Variants in MICAL3 observed in about 807,000 individuals in gnomAD.
MICAL3 encodes [F-actin]-monooxygenase MICAL3.
A neutral mutation model predicts 207.4 loss-of-function variants in MICAL3; 62 were observed. That is an observed-to-expected ratio of 0.30 (90% confidence interval 0.24 to 0.37). The LOEUF (loss-of-function observed/expected upper bound fraction) is 0.37. MICAL3 is among the 10% of genes least tolerant of loss of function. The pLI is 1.00. For missense variants in MICAL3, 2,368 were observed against 2,635.6 expected (o/e 0.90, Z 2.22); for synonymous variants, 1,077 against 1,069.3 (o/e 1.01, Z -0.14).
intron 1 of MICAL3, among the ~76,000 whole-genome samples, chr22:17,921,442 C>T (rs1932797806): frequency 6.6e-6 from 1 of 152,208 alleles, no homozygotes; most frequent in Admixed American, 6.5e-5. Flanking sequence ...TGGCCTTGGT[C>T]ATTTCCCTTG....
At chr22:17,804,153 G>T (rs929420590) in intron 29 of MICAL3, among the ~76,000 whole-genome samples, 5 of 152,174 alleles carry the variant, frequency 3.3e-5, no homozygotes, top group African/African-American at 1.2e-4. Flanking sequence ...GTACACCAGG[G>T]ATCAGCCAGG....
Position 17,832,073 on chromosome 22 carries a change from C to T in MICAL3, c.2836G>A (p.Glu946Lys). Residue 946 changes from glutamate (E) to lysine (K), a missense_variant, in exon 21 of 32, where the codon GAG becomes AAG. Around this residue, in one of 4 missense-constraint regions of MICAL3, gnomAD observed 1,770 missense variants for 1,863.2 expected, o/e 0.95. Coordinates refer to ENST00000441493, the MANE Select transcript of MICAL3 (RefSeq NM_015241.3). ...SESEMEEEGEEEEEEPRLPPS... is the reference protein window; with the variant it reads ...SESEMEEEGEKEEEEPRLPPS... ...GGCAGGCGAGGCTCCTCCTCCTCCTCCTCTCCCTCCTCCTCCATCTCAGAC... is the reference window on the plus strand; with the variant it reads ...GGCAGGCGAGGCTCCTCCTCCTCCTTCTCTCCCTCCTCCTCCATCTCAGAC... 6.3e-7 allele frequency: 1 copy of T among 1,586,576 alleles called. No homozygotes were observed. The highest frequency in any genetic ancestry group is 8.6e-7 in the Non-Finnish European group (1 of 1,166,404).
Position 17,857,497 on chromosome 22 carries a change from G to A in MICAL3, c.2605+7402C>T, listed in dbSNP as rs74664986. Among the ~76,000 whole-genome samples, 755 of 152,338 alleles carry A rather than the reference G, an allele frequency of 5.0e-3. 7 individuals carry two copies. The highest frequency in any genetic ancestry group is 0.016 in the African/African-American group (679 of 41,576). Reference sequence around the variant, plus strand: ...AAGGTTGGGGAACACGGCCTGCGGCGTGGCTCTTCTCCCGCAGGTGCAGGA... The same window carrying A: ...AAGGTTGGGGAACACGGCCTGCGGCATGGCTCTTCTCCCGCAGGTGCAGGA... On this transcript the variant is annotated intron_variant, in intron 19 of 31. Coordinates refer to ENST00000441493, the MANE Select transcript of MICAL3 (RefSeq NM_015241.3).
At chr22:18,012,964 C>T (rs1423320593) in intron 1 of MICAL3, among the ~76,000 whole-genome samples, 1 of 152,120 alleles carries the variant, frequency 6.6e-6, no homozygotes, top group Non-Finnish European at 1.5e-5. Flanking sequence ...GTGGAAACTA[C>T]CTTTCCCCCA....
Position 17,806,174 on chromosome 22 carries a change from T to A in MICAL3, c.5650+2670A>T, listed in dbSNP as rs187497060. On this transcript the variant is annotated intron_variant, in intron 29 of 31. Transcript: ENST00000441493. ...TAAGTGGCTGAACTCCCTGTAAATG[T>A]GTTAGTGAAGAGGACATTTTATTCA... is the stretch of plus-strand genomic sequence containing the variant. Among the ~76,000 whole-genome samples, 4 of 152,306 alleles carry A rather than the reference T, an allele frequency of 2.6e-5. No individual in the cohort carries two copies. In the East Asian group the frequency reaches 7.7e-4, roughly 29 times the overall value.
intron 1 of MICAL3, among the ~76,000 whole-genome samples, chr22:17,933,127 G>C (rs1933350054): frequency 6.6e-6 from 1 of 152,136 alleles, no homozygotes; most frequent in African/African-American, 2.4e-5. Context: ...AGACCTAATA[G>C]ACATCTACAG....
chr22:18,000,496 C>G (rs1922832646), intron 1 of MICAL3, among the ~76,000 whole-genome samples: 2 of 152,216 alleles, frequency 1.3e-5, no homozygotes, highest in Non-Finnish European at 2.9e-5. Flanking sequence ...CAGACCCCTT[C>G]GTCCCGGCTA....
At chr22:17,946,865 C>T (rs1039026041) in intron 1 of MICAL3, among the ~76,000 whole-genome samples, 1 of 152,150 alleles carries the variant, frequency 6.6e-6, no homozygotes, top group Non-Finnish European at 1.5e-5. Context: ...TGCCCTCTTC[C>T]CTGGGGAACA....
intron 21 of MICAL3, among the ~76,000 whole-genome samples, chr22:17,829,734 T>C (rs1274272145): frequency 1.3e-5 from 2 of 152,342 alleles, no homozygotes; most frequent in South Asian, 2.1e-4. Flanking sequence ...GCACTGGCGA[T>C]AGGTTTCCTG....
chr22:17,985,060 G>T (rs1936090510), intron 1 of MICAL3, among the ~76,000 whole-genome samples: 1 of 152,216 alleles, frequency 6.6e-6, no homozygotes, highest in Non-Finnish European at 1.5e-5. Flanking sequence ...TTTTAAACTG[G>T]GAGGCATGAG....
intron 7 of MICAL3, 26 bp from the exon 8 acceptor site, chr22:17,897,007 G>A (rs1930902549): frequency 6.3e-7 from 1 of 1,591,390 alleles, no homozygotes; most frequent in Non-Finnish European, 8.6e-7. Context: ...GAGGAGGGTA[G>A]GGATGGAGAA....
At position 17,877,495 on chromosome 22, in the gene MICAL3, G is replaced by T. The variant is rs202164027; in HGVS notation, c.2242-5472C>A. Among the ~76,000 whole-genome samples the T allele has an allele frequency of 3.3e-4, 38 of 116,310 alleles. 1 individual carries two copies. Among genetic ancestry groups the T allele is most frequent in the South Asian group, 7.3e-4 (3 of 4,094 alleles). 76.3% of individuals were successfully genotyped at this position (116,310 alleles called of 152,430 possible). On this transcript the variant is annotated intron_variant, in intron 16 of 31. Coordinates refer to ENST00000441493, the MANE Select transcript of MICAL3 (RefSeq NM_015241.3). ...GAGGTTAGGGAGGTTATGGAGGTTAGGGAGGTTATGGAGGTTAGGGAGGTT... is the reference window on the plus strand; with the variant it reads ...GAGGTTAGGGAGGTTATGGAGGTTATGGAGGTTATGGAGGTTAGGGAGGTT...
intron 19 of MICAL3, among the ~76,000 whole-genome samples, chr22:17,853,074 C>CAAA (rs35015407): frequency 8.8e-6 from 1 of 113,076 alleles, no homozygotes; most frequent in South Asian, 2.8e-4. Flanking sequence ...GACTCCATCT[C>CAAA]AAAAAAAAAA....
Position 17,902,614 on chromosome 22 carries a change from C to A in MICAL3, c.589+17G>T. Reference sequence around the variant, plus strand: ...AACACCCTCTCACGCCTTCTTCACTCCTCCAGTATAACTTACGTTCATTCT... The same window carrying A: ...AACACCCTCTCACGCCTTCTTCACTACTCCAGTATAACTTACGTTCATTCT... On this transcript the variant is annotated intron_variant, in intron 4 of 31. Coordinates refer to ENST00000441493, the MANE Select transcript of MICAL3 (RefSeq NM_015241.3). The surrounding 1 kb of genome is among the most constrained non-coding windows in gnomAD (Gnocchi z 4.5). The A allele has an allele frequency of 6.8e-7, 1 of 1,473,998 alleles. No individual in the cohort carries two copies. Among genetic ancestry groups the A allele is most frequent in the South Asian group, 1.2e-5 (1 of 84,160 alleles). 91.3% of individuals were successfully genotyped at this position (1,473,998 alleles called of 1,614,324 possible).
At chr22:17,925,289 A>G (rs1228101933) in intron 1 of MICAL3, among the ~76,000 whole-genome samples, 2 of 152,172 alleles carry the variant, frequency 1.3e-5, no homozygotes, top group African/African-American at 4.8e-5. Context: ...AAAAACCACC[A>G]CCAGGCCAGA....
intron 16 of MICAL3, among the ~76,000 whole-genome samples, chr22:17,877,540 TGGAGGTGAGGGAGGTTATGGAGGTTAG>T (rs1928939369): frequency 6.1e-5 from 6 of 98,058 alleles, no homozygotes; most frequent in Non-Finnish European, 1.1e-4. Context: ...AGGGAGGTTA[TGGAGGTGAGGGAGGTTATGGAGGTTAG>T]GGAGGTTAGG....
intron 1 of MICAL3, among the ~76,000 whole-genome samples, chr22:17,952,268 C>A (rs1398153301): frequency 1.3e-5 from 2 of 152,176 alleles, no homozygotes; most frequent in Non-Finnish European, 2.9e-5. Flanking sequence ...GGGGCAGGTG[C>A]CCCCAACCTC....
intron 24 of MICAL3, 82 bp from the exon 25 acceptor site, chr22:17,821,591 G>A: frequency 1.7e-6 from 2 of 1,173,360 alleles, no homozygotes; most frequent in South Asian, 1.4e-5. Flanking sequence ...AGCCCCAGAG[G>A]GTGGAGGGGA....
At chr22:17,924,108 C>A (rs1932859693) in intron 1 of MICAL3, among the ~76,000 whole-genome samples, 1 of 152,198 alleles carries the variant, frequency 6.6e-6, no homozygotes, top group African/African-American at 2.4e-5. Flanking sequence ...CTCCATGATT[C>A]AATTACCTCC....
Sources: gnomAD v4.1 joint callset for allele counts (sites outside exome capture counted in the v4.1 genomes callset) on GRCh38, gnomAD v4.1.1 for gene constraint, gnomAD v4.1.1 regional missense constraint, Gnocchi (gnomAD v3.1) non-coding constraint, MANE v1.5 for transcripts, NCBI Gene and HGNC (gene_info 2026-07-23, HGNC 2026-07-21) for gene names.